Variants in C4orf17 observed in about 807,000 individuals in gnomAD.
C4orf17 encodes chromosome 4 open reading frame 17.
A neutral mutation model predicts 32.0 loss-of-function variants in C4orf17; 25 were observed. The ratio of observed to expected loss-of-function variants is 0.78; its 90% CI spans 0.57 to 1.09. C4orf17 has a LOEUF of 1.09. C4orf17 is among the 50% of genes least tolerant of loss of function. The probability of loss-of-function intolerance (pLI) is 0.00; values close to 1 mark genes in which losing one functional copy is unlikely to be tolerated. For synonymous variants in C4orf17, 149 were observed against 145.8 expected, an observed-to-expected ratio of 1.02 and a Z score of -0.16; for missense variants, 420 against 420.0, an observed-to-expected ratio of 1.00 and a Z score of 0.00.
At position 99,541,937 on chromosome 4, in the gene C4orf17, T is replaced by C. The variant is rs376291075; in HGVS notation, c.908T>C (p.Ile303Thr). The C allele has an allele frequency of 6.2e-7, 1 of 1,613,604 alleles. No homozygotes were observed. The highest frequency in any genetic ancestry group is 8.5e-7 in the Non-Finnish European group (1 of 1,179,882). The change falls in exon 9 of 9, where the codon ATA becomes ACA. Residue 303 changes from isoleucine to threonine, a missense_variant. By Grantham distance (89) the Ile-to-Thr change is moderately conservative. Coordinates refer to ENST00000326581, the MANE Select transcript of C4orf17 (RefSeq NM_032149.3). ...GCTGAGCACAAGCCTCCACTACTTA[T>C]AAGAAGAAATAATATGAAAATACCT... ...KEAEHKPPLL[I>T]RRNNMKIPVA...
At chr4:99,528,720 G>T (rs1723430359) in intron 4 of C4orf17, among the ~76,000 whole-genome samples, 1 of 152,180 alleles carries the variant, frequency 6.6e-6, no homozygotes, top group Non-Finnish European at 1.5e-5. Context: ...TGAGAGCCAA[G>T]TAAAGGGGGA....
At chr4:99,540,614 T>C in intron 8 of C4orf17, 159 bp downstream of exon 8, 2 of 550,982 alleles carry the variant, frequency 3.6e-6, no homozygotes, top group Non-Finnish European at 6.5e-6. Context: ...GCTTACTTTC[T>C]CATAAAGATA....
At position 99,513,055 on chromosome 4, in the gene C4orf17, A is replaced by G. The variant is rs1418313358; in HGVS notation, c.-27A>G. The G allele has an allele frequency of 6.2e-7, 1 of 1,613,036 alleles. No individual in the cohort carries two copies. The highest frequency in any genetic ancestry group is 1.1e-5 in the South Asian group (1 of 91,048). Reference sequence around the variant, plus strand: ...CCAAAAACTTTTGTGACAACAGTGAAGAGGGGAAAATAAACACACCACAAA... The same window carrying G: ...CCAAAAACTTTTGTGACAACAGTGAGGAGGGGAAAATAAACACACCACAAA... On this transcript the variant is annotated 5_prime_UTR_variant, in exon 2 of 9. Coordinates refer to ENST00000326581, the MANE Select transcript of C4orf17 (RefSeq NM_032149.3).
Position 99,521,004 on chromosome 4 carries a change from G to A in C4orf17, c.128-1496G>A, listed in dbSNP as rs190000515. On this transcript the variant is annotated intron_variant, in intron 2 of 8. Transcript: ENST00000326581. The stretch of plus-strand genomic sequence containing the variant: ...TAAAATCATTTTAACATTTTAAACT[G>A]TAATTCCAAAGTTAATTTGTTAGAT... Among the ~76,000 whole-genome samples, 38 of 152,276 alleles carry A rather than the reference G, an allele frequency of 2.5e-4. No individual in the cohort carries two copies. In the East Asian group the frequency reaches 5.4e-3, roughly 22 times the overall value.
chr4:99,533,444 A>G (rs773369849), intron 5 of C4orf17, among the ~76,000 whole-genome samples: 28 of 152,170 alleles, frequency 1.8e-4, no homozygotes, highest in African/African-American at 6.3e-4. Flanking sequence ...AAGAGAAACA[A>G]TTGGGGTTAT....
At position 99,539,191 on chromosome 4, in the gene C4orf17, T is replaced by C. The variant is rs1450137360; in HGVS notation, c.657T>C (p.His219=). Residue 219 remains histidine (H), a synonymous_variant, in exon 7 of 9, where the codon CAT becomes CAC. Transcript: ENST00000326581. The part of the protein sequence containing the change: ...KEKEWVSALI[H]SELAEINLLT... ...AAGAGTGGGTCTCAGCTTTGATTCATTCTGAGCTTGCCGAGATAAACCTGT... is the reference window on the plus strand; with the variant it reads ...AAGAGTGGGTCTCAGCTTTGATTCACTCTGAGCTTGCCGAGATAAACCTGT... 6.2e-6 allele frequency: 10 copies of C among 1,613,984 alleles called. No homozygotes were observed. In the Admixed American group the frequency reaches 1.7e-4, roughly 27 times the overall value.
intron 3 of C4orf17, among the ~76,000 whole-genome samples, chr4:99,523,732 A>G (rs1163829797): frequency 6.6e-6 from 1 of 152,190 alleles, no homozygotes; most frequent in Non-Finnish European, 1.5e-5. Context: ...GTAAAGGGAA[A>G]TTAAGTAAAA....
chr4:99,519,374 T>G (rs1488179471), intron 2 of C4orf17: 1 of 152,150 alleles, frequency 6.6e-6, no homozygotes, highest in Non-Finnish European at 1.5e-5. Flanking sequence ...AGGTAGGTGG[T>G]GGATGTACTA....
intron 2 of C4orf17, among the ~76,000 whole-genome samples, chr4:99,515,923 G>A (rs1376765650): frequency 6.6e-6 from 1 of 152,150 alleles, no homozygotes; most frequent in African/African-American, 2.4e-5. Context: ...AAACATCCCT[G>A]CTATGATCTT....
chr4:99,531,394 A>T (rs1723474274), intron 5 of C4orf17, among the ~76,000 whole-genome samples: 2 of 152,130 alleles, frequency 1.3e-5, no homozygotes, highest in African/African-American at 4.8e-5. Context: ...TCAGCTAAAT[A>T]TATAGTTCTC....
rs1321289619 is a variant in C4orf17, at chr4:99,522,571, C to T, written c.199C>T (p.Gln67Ter). Residue 67 changes from glutamine to a stop codon, truncating the protein, a stop_gained, in exon 3 of 9, where the codon CAG (glutamine) becomes TAG (stop). Coordinates refer to ENST00000326581, the MANE Select transcript of C4orf17 (RefSeq NM_032149.3). LOFTEE classifies it high-confidence loss of function. ...NAFGTLWGVG[Q>*]SNYLEKNRIP... ...ATTTGGAACATTGTGGGGAGTTGGC[C>T]AGTCTAACTACTTAGAGAAGAACAG... 1.2e-6 allele frequency: 2 copies of T among 1,613,716 alleles called. No homozygotes were observed. The highest frequency in any genetic ancestry group is 1.7e-6 in the Non-Finnish European group (2 of 1,179,914).
chr4:99,538,192 T>A (rs1178131458), intron 6 of C4orf17, among the ~76,000 whole-genome samples: 1 of 152,214 alleles, frequency 6.6e-6, no homozygotes, highest in African/African-American at 2.4e-5. Flanking sequence ...AGCAAAACCA[T>A]CAACTCAGTC....
At chr4:99,525,343 C>A (rs1723369112) in intron 4 of C4orf17, among the ~76,000 whole-genome samples, 1 of 152,112 alleles carries the variant, frequency 6.6e-6, no homozygotes, top group Non-Finnish European at 1.5e-5. Context: ...AATGGTCAGT[C>A]TTTTTATTTT....
chr4:99,513,159 C>T lies in C4orf17; in HGVS notation c.78C>T (p.Cys26=). ...GSHIMARNVS[C]FLVRHTPHPR... ...ATATTATGGCTAGAAATGTAAGCTG[C>T]TTTCTAGTCAGGCACACCCCTCATC... Residue 26 remains cysteine, a synonymous_variant, in exon 2 of 9, where the codon TGC becomes TGT. Transcript: ENST00000326581. 1.2e-6 allele frequency: 2 copies of T among 1,613,926 alleles called. No individual in the cohort carries two copies. The highest frequency in any genetic ancestry group is 1.7e-6 in the Non-Finnish European group (2 of 1,179,860).
At chr4:99,536,014 C>G in intron 5 of C4orf17, 1 of 444,412 alleles carries the variant, frequency 2.3e-6, no homozygotes, top group Non-Finnish European at 4.5e-6. Context: ...GCTCCAGACC[C>G]TGGTTGCCTT....
intron 5 of C4orf17, among the ~76,000 whole-genome samples, chr4:99,531,026 T>C (rs965561141): frequency 4.6e-5 from 7 of 152,072 alleles, no homozygotes; most frequent in African/African-American, 1.2e-4. Flanking sequence ...ACCTGCTCAT[T>C]AAGGTCTCAG....
intron 8 of C4orf17, 166 bp downstream of exon 8, chr4:99,540,621 G>C (rs1578197592): frequency 1.8e-6 from 1 of 542,006 alleles, no homozygotes; most frequent in East Asian, 3.0e-5. Flanking sequence ...TTCTCATAAA[G>C]ATAAATTTAC....
At chr4:99,529,107 C>A (rs1025805750) in intron 4 of C4orf17, among the ~76,000 whole-genome samples, 1 of 152,174 alleles carries the variant, frequency 6.6e-6, no homozygotes, top group Non-Finnish European at 1.5e-5. Context: ...CAATTCCAAT[C>A]ATCAAAATCC....
intron 5 of C4orf17, among the ~76,000 whole-genome samples, chr4:99,536,638 T>C (rs1470796135): frequency 6.6e-6 from 1 of 152,192 alleles, no homozygotes. Context: ...CCCTGGGAAC[T>C]TGGTCCCATC....
Sources: gnomAD v4.1 joint callset for allele counts (sites outside exome capture counted in the v4.1 genomes callset) on GRCh38, gnomAD v4.1.1 for gene constraint, MANE v1.5 for transcripts, NCBI Gene and HGNC (gene_info 2026-07-23, HGNC 2026-07-21) for gene names.